Variants in LRBA observed in about 807,000 individuals in gnomAD.
LRBA encodes lipopolysaccharide-responsive and beige-like anchor protein.
Under a neutral mutation model 330.0 loss-of-function variants are expected in LRBA, and 176 were observed. The observed-to-expected ratio is 0.53, with a 90% CI of 0.47 to 0.60. The LOEUF (loss-of-function observed/expected upper bound fraction) is 0.60, where lower values mean the gene tolerates loss of function less well. LRBA is among the 20% of genes least tolerant of loss of function. The pLI, the probability that LRBA is intolerant of heterozygous loss-of-function variation, is 0.00. For missense variants in LRBA, 3,259 were observed against 3,444.8 expected, an observed-to-expected ratio of 0.95 and a Z score of 1.35; for synonymous variants, 1,230 against 1,193.0, an observed-to-expected ratio of 1.03 and a Z score of -0.64.
intron 28 of LRBA, among the ~76,000 whole-genome samples, chr4:150,838,407 C>T (rs1026114275): frequency 3.3e-5 from 5 of 152,316 alleles, no homozygotes; most frequent in African/African-American, 1.2e-4. Flanking sequence ...GTACCACTCT[C>T]CCCATCACTT....
chr4:150,710,534 GT>G (rs1320460465), intron 36 of LRBA, among the ~76,000 whole-genome samples: 1 of 151,040 alleles, frequency 6.6e-6, no homozygotes, highest in Non-Finnish European at 1.5e-5. Context: ...TTGGGTCAAA[GT>G]GAAAAAAAAA....
At chr4:150,981,217 G>T (rs548025487) in intron 2 of LRBA, among the ~76,000 whole-genome samples, 3 of 151,590 alleles carry the variant, frequency 2.0e-5, no homozygotes, top group East Asian at 2.0e-4. Context: ...TTCGAGACCA[G>T]CCTGGCCAAC....
At chr4:150,671,701 A>C (rs1172644447) in intron 37 of LRBA, among the ~76,000 whole-genome samples, 1 of 152,194 alleles carries the variant, frequency 6.6e-6, no homozygotes, top group Non-Finnish European at 1.5e-5. Context: ...TGAAGAACCT[A>C]TAAACATAAA....
At chr4:150,747,015 G>T (rs1732832482) in intron 35 of LRBA, among the ~76,000 whole-genome samples, 1 of 152,108 alleles carries the variant, frequency 6.6e-6, no homozygotes, top group South Asian at 2.1e-4. Context: ...TCAGCCGTCA[G>T]CCATCTTCCC....
At chr4:150,572,804 C>T (rs1770029546) in intron 40 of LRBA, among the ~76,000 whole-genome samples, 1 of 152,104 alleles carries the variant, frequency 6.6e-6, no homozygotes, top group Non-Finnish European at 1.5e-5. Context: ...GTTGTTGCTA[C>T]TGTTCTGGAG....
At chr4:150,496,061 C>T (rs1759557752) in intron 40 of LRBA, among the ~76,000 whole-genome samples, 1 of 152,084 alleles carries the variant, frequency 6.6e-6, no homozygotes, top group Non-Finnish European at 1.5e-5. Flanking sequence ...AGATTATATA[C>T]ACACATAAAT....
chr4:150,685,045 C>T (rs1357298464), intron 36 of LRBA, among the ~76,000 whole-genome samples: 2 of 152,002 alleles, frequency 1.3e-5, no homozygotes, highest in African/African-American at 4.8e-5. Flanking sequence ...AGTTGGTTCC[C>T]TCCTTCCTCT....
At chr4:150,594,159 C>A (rs1186022184) in intron 38 of LRBA, among the ~76,000 whole-genome samples, 1 of 152,026 alleles carries the variant, frequency 6.6e-6, no homozygotes, top group Non-Finnish European at 1.5e-5. Flanking sequence ...GGAAAATATG[C>A]AGCTTACTGA....
chr4:150,703,621 A>G (rs139452539), intron 36 of LRBA, among the ~76,000 whole-genome samples: 47 of 152,350 alleles, frequency 3.1e-4, no homozygotes, highest in African/African-American at 1.0e-3. Flanking sequence ...CAAGAAGAAT[A>G]TAATCCAGAA....
intron 2 of LRBA, among the ~76,000 whole-genome samples, chr4:151,007,669 A>G (rs1744255604): frequency 6.6e-6 from 1 of 151,776 alleles, no homozygotes; most frequent in African/African-American, 2.4e-5. Context: ...CATCCTGGCT[A>G]ACACGGTGAA....
intron 13 of LRBA, among the ~76,000 whole-genome samples, chr4:150,904,753 A>G (rs1440435769): frequency 2.0e-5 from 3 of 152,164 alleles, no homozygotes; most frequent in African/African-American, 4.8e-5. Context: ...ACAACCTCCA[A>G]CTGCCTGTTT....
At chr4:150,816,047 T>C (rs986094620) in intron 31 of LRBA, among the ~76,000 whole-genome samples, 1 of 151,842 alleles carries the variant, frequency 6.6e-6, no homozygotes, top group South Asian at 2.1e-4. Flanking sequence ...CATGATTACA[T>C]AGTACACATC....
intron 36 of LRBA, among the ~76,000 whole-genome samples, chr4:150,686,510 T>C (rs1169513867): frequency 6.6e-6 from 1 of 152,178 alleles, no homozygotes; most frequent in East Asian, 1.9e-4. Context: ...TGTCAACTGA[T>C]ATGTCATTTT....
At chr4:150,412,727 T>C (rs924290112) in intron 47 of LRBA, among the ~76,000 whole-genome samples, 1 of 151,938 alleles carries the variant, frequency 6.6e-6, no homozygotes, top group African/African-American at 2.4e-5. Context: ...CCGATTCCCT[T>C]GAGACTTAAA....
Position 150,321,398 on chromosome 4 carries a change from T to G in LRBA, c.7453-30A>C. 1 of 1,521,324 alleles carries G rather than the reference T, an allele frequency of 6.6e-7. No homozygotes were observed. The highest frequency in any genetic ancestry group is 1.3e-5 in the South Asian group (1 of 76,674). The allele number at this position is 1,521,324 out of a possible 1,614,324, so 94.2% of individuals were successfully genotyped here. A position where few individuals can be genotyped will look rare whatever the true frequency, so the allele number is the denominator to read the frequency against. On this transcript the variant is annotated intron_variant, in intron 49 of 56. Transcript: ENST00000651943. The surrounding 1 kb of genome is among the most constrained non-coding windows in gnomAD (Gnocchi z 4.5). ...AGGAGGAGATACTGTTGAGTGGGCA[T>G]GACAAGACCCAAATAGACAAGAAGG...
intron 2 of LRBA, among the ~76,000 whole-genome samples, chr4:150,954,210 A>G (rs1579309012): frequency 1.4e-5 from 2 of 138,804 alleles, no homozygotes; most frequent in African/African-American, 5.5e-5. Context: ...CTGCCCGGCC[A>G]CCCCGTCTGG....
intron 48 of LRBA, among the ~76,000 whole-genome samples, chr4:150,336,534 A>G (rs1734773640): frequency 6.6e-6 from 1 of 152,202 alleles, no homozygotes; most frequent in Non-Finnish European, 1.5e-5. Flanking sequence ...ATAAAGTAAA[A>G]CATATTTTAA....
intron 42 of LRBA, among the ~76,000 whole-genome samples, chr4:150,479,683 G>C (rs1757081299): frequency 6.6e-6 from 1 of 152,174 alleles, no homozygotes; most frequent in Non-Finnish European, 1.5e-5. Context: ...TGAATACAAT[G>C]TAGCAGAAAT....
chr4:150,604,040 C>T (rs1287976223), intron 37 of LRBA, among the ~76,000 whole-genome samples: 2 of 152,032 alleles, frequency 1.3e-5, no homozygotes, highest in East Asian at 1.9e-4. Context: ...AACTAAGGTA[C>T]GATTCACATT....
Sources: allele counts gnomAD v4.1 joint callset (sites outside exome capture counted in the v4.1 genomes callset), GRCh38; gene constraint gnomAD v4.1.1; non-coding constraint Gnocchi (gnomAD v3.1); transcripts MANE v1.5; gene names NCBI Gene and HGNC (gene_info 2026-07-23, HGNC 2026-07-21).